PRLR: variants seen among roughly 807,000 people sequenced by gnomAD.
PRLR encodes prolactin receptor, also known as hPRL receptor.
PRLR carries 13 observed loss-of-function variants against 40.2 expected under a neutral mutation model. The observed-to-expected ratio is 0.32, with a 90% CI of 0.21 to 0.51. The LOEUF (loss-of-function observed/expected upper bound fraction) is 0.51, where lower values mean the gene tolerates loss of function less well. PRLR is among the 20% of genes least tolerant of loss of function. The pLI, the probability that PRLR is intolerant of heterozygous loss-of-function variation, is 0.97. For synonymous variants in PRLR, 269 were observed against 278.7 expected, an observed-to-expected ratio of 0.97 and a Z score of 0.35; for missense variants, 656 against 747.3, an observed-to-expected ratio of 0.88 and a Z score of 1.42.
chr5:35,125,440 A>G (rs1561320449), intron 1 of PRLR, among the ~76,000 whole-genome samples: 1 of 152,210 alleles, frequency 6.6e-6, no homozygotes, highest in African/African-American at 2.4e-5. Flanking sequence ...TGAACTGGGA[A>G]CTAGTGATTA....
At chr5:35,164,836 A>G (rs1579752847) in intron 1 of PRLR, among the ~76,000 whole-genome samples, 1 of 152,322 alleles carries the variant, frequency 6.6e-6, no homozygotes, top group Non-Finnish European at 1.5e-5. Context: ...TGGTGAGGAC[A>G]GGTAAGACTT....
At chr5:35,177,161 A>G (rs1226163027) in intron 1 of PRLR, among the ~76,000 whole-genome samples, 1 of 152,170 alleles carries the variant, frequency 6.6e-6, no homozygotes, top group African/African-American at 2.4e-5. Context: ...CTCTTCGAGA[A>G]ACACCCACGA....
At chr5:35,203,455 T>A (rs568230976) in intron 1 of PRLR, among the ~76,000 whole-genome samples, 1 of 152,308 alleles carries the variant, frequency 6.6e-6, no homozygotes, top group East Asian at 1.9e-4. Flanking sequence ...CTTTCTATCA[T>A]GGCCAGGGAA....
chr5:35,226,404 T>TA (rs1776549730), intron 1 of PRLR, among the ~76,000 whole-genome samples: 2 of 152,050 alleles, frequency 1.3e-5, no homozygotes, highest in African/African-American at 2.4e-5. Context: ...AACTGTAAAA[T>TA]AAAAACAAAA....
intron 3 of PRLR, among the ~76,000 whole-genome samples, chr5:35,088,761 C>G (rs1255597324): frequency 1.3e-5 from 2 of 152,126 alleles, no homozygotes; most frequent in African/African-American, 4.8e-5. Flanking sequence ...CAAAAGTACA[C>G]ACACCACACA....
downstream of PRLR, among the ~76,000 whole-genome samples, chr5:35,052,077 A>G (rs931392779): frequency 1.3e-5 from 2 of 152,204 alleles, no homozygotes; most frequent in East Asian, 1.9e-4. Flanking sequence ...TAGAATTATA[A>G]TAAATAGAAA....
intron 1 of PRLR, among the ~76,000 whole-genome samples, chr5:35,131,955 C>T (rs1773697653): frequency 6.6e-6 from 1 of 152,026 alleles, no homozygotes; most frequent in Admixed American, 6.6e-5. Flanking sequence ...ACACAGAAAC[C>T]CTGGAGGACA....
At chr5:35,224,721 T>C (rs1020482550) in intron 1 of PRLR, among the ~76,000 whole-genome samples, 4 of 75,606 alleles carry the variant, frequency 5.3e-5, no homozygotes, top group Non-Finnish European at 1.6e-4. Flanking sequence ...AGGGAGAAAG[T>C]TGGGGGAAAA....
chr5:35,155,889 G>T (rs1175645891), intron 1 of PRLR, among the ~76,000 whole-genome samples: 1 of 152,152 alleles, frequency 6.6e-6, no homozygotes, highest in East Asian at 1.9e-4. Flanking sequence ...CTCTCCCGCT[G>T]TAAATATTAA....
intron 2 of PRLR, among the ~76,000 whole-genome samples, chr5:35,098,094 G>A (rs563448343): frequency 7.9e-5 from 12 of 152,272 alleles, no homozygotes; most frequent in East Asian, 5.8e-4. Context: ...GGAGGTACTC[G>A]TGCATTCTGT....
At chr5:35,115,102 C>T (rs959646908) in intron 2 of PRLR, among the ~76,000 whole-genome samples, 1 of 152,202 alleles carries the variant, frequency 6.6e-6, no homozygotes, top group African/African-American at 2.4e-5. Flanking sequence ...CCACATGAGG[C>T]TGGCAAACAT....
In PRLR at chr5:35,056,767, C is replaced by T. The variant is rs1768747477; in HGVS notation, c.*8322G>A. The T allele has an allele frequency of 6.6e-6, 1 of 152,128 alleles. No individual in the cohort carries two copies. 9.4% of individuals were successfully genotyped at this position (152,128 alleles called of 1,614,324 possible). A position where few individuals can be genotyped will look rare whatever the true frequency, so the allele number is the denominator to read the frequency against. ...GGGCCCAAGAATTAAAGGCAGTTGG[C>T]TTCAATATAAGCACAGGAGAGCCAG... is the stretch of plus-strand genomic sequence containing the variant. On this transcript the variant is annotated 3_prime_UTR_variant, in exon 10 of 10. Transcript: ENST00000618457.
intron 1 of PRLR, among the ~76,000 whole-genome samples, chr5:35,190,615 GAA>G (rs59704593): frequency 2.7e-4 from 40 of 148,268 alleles, no homozygotes; most frequent in South Asian, 6.4e-4. Context: ...TTTGCCTCAG[GAA>G]AAAAAAAAAA....
At chr5:35,200,328 G>T (rs1444303503) in intron 1 of PRLR, among the ~76,000 whole-genome samples, 1 of 152,298 alleles carries the variant, frequency 6.6e-6, no homozygotes, top group African/African-American at 2.4e-5. Context: ...TGCTGCCCCA[G>T]AACCTGTCCT....
intron 1 of PRLR, among the ~76,000 whole-genome samples, chr5:35,216,985 A>T (rs1776301323): frequency 6.6e-6 from 1 of 152,200 alleles, no homozygotes; most frequent in Non-Finnish European, 1.5e-5. Context: ...GAGTGTAGTA[A>T]GTACATTCTA....
intron 1 of PRLR, among the ~76,000 whole-genome samples, chr5:35,189,936 C>T (rs1482031226): frequency 6.6e-6 from 1 of 152,180 alleles, no homozygotes; most frequent in Non-Finnish European, 1.5e-5. Flanking sequence ...TCAGAGTAGA[C>T]ATCCTGCTTC....
At chr5:35,158,226 T>C (rs1215295186) in intron 1 of PRLR, among the ~76,000 whole-genome samples, 1 of 152,230 alleles carries the variant, frequency 6.6e-6, no homozygotes, top group Non-Finnish European at 1.5e-5. Flanking sequence ...ATTGCTCGTA[T>C]GCCTGCTGTT....
chr5:35,166,638 T>C (rs1774841736), intron 1 of PRLR, among the ~76,000 whole-genome samples: 1 of 152,048 alleles, frequency 6.6e-6, no homozygotes, highest in Non-Finnish European at 1.5e-5. Context: ...CTTTCAATCT[T>C]GAAGACAAAT....
At chr5:35,221,970 G>A (rs753145629) in intron 1 of PRLR, among the ~76,000 whole-genome samples, 1 of 152,172 alleles carries the variant, frequency 6.6e-6, no homozygotes, top group Non-Finnish European at 1.5e-5. Context: ...ACCGTGGGCA[G>A]TGAACCCAGA....
Sources: gnomAD v4.1 joint callset for allele counts (sites outside exome capture counted in the v4.1 genomes callset) on GRCh38, gnomAD v4.1.1 for gene constraint, MANE v1.5 for transcripts, NCBI Gene and HGNC (gene_info 2026-07-23, HGNC 2026-07-21) for gene names.